SUGP1: variants seen among roughly 807,000 people sequenced by gnomAD.
SUGP1 encodes the protein SURP and G-patch domain-containing protein 1.
Under a neutral mutation model 76.5 loss-of-function variants are expected in SUGP1, and 34 were observed. That is an observed-to-expected ratio of 0.44 (90% CI 0.34 to 0.59). The LOEUF (loss-of-function observed/expected upper bound fraction) is 0.59, where lower values mean the gene tolerates loss of function less well. SUGP1 is among the 20% of genes least tolerant of loss of function. SUGP1 has a pLI of 0.01. For missense variants in SUGP1, 752 were observed against 851.7 expected (o/e 0.88, Z 1.46); for synonymous variants, 326 against 326.2 (o/e 1.00, Z 0.01).
At chr19:19,277,262 G>GGGC (rs1568615940) in intron 12 of SUGP1, among the ~76,000 whole-genome samples, 186 bp from the exon 13 acceptor site, 2 of 148,992 alleles carry the variant, frequency 1.3e-5, no homozygotes, top group Admixed American at 6.6e-5. Context: ...GGGGGGGGGG[G>GGGC]GCCTAGGCCC....
At chr19:19,308,150 C>G (rs1460588878) in intron 3 of SUGP1, among the ~76,000 whole-genome samples, 1 of 152,068 alleles carries the variant, frequency 6.6e-6, no homozygotes, top group Admixed American at 6.6e-5. Context: ...CCCATCTCAG[C>G]CCCCCCATTA....
intron 3 of SUGP1, among the ~76,000 whole-genome samples, chr19:19,309,049 T>C (rs1194433132): frequency 6.6e-6 from 1 of 152,086 alleles, no homozygotes; most frequent in Non-Finnish European, 1.5e-5. Flanking sequence ...GTATTTTTAG[T>C]AGAGACAGGG....
rs1390974975 is a variant in SUGP1 at position 19,278,816 on chromosome 19, G to C, written c.1529-20C>G. The C allele has an allele frequency of 6.2e-7, 1 of 1,605,780 alleles. No individual in the cohort carries two copies. Among genetic ancestry groups the C allele is most frequent in the Non-Finnish European group, 8.5e-7 (1 of 1,176,070 alleles). On this transcript the variant is annotated intron_variant, in intron 10 of 13. Transcript: ENST00000247001. Reference sequence around the variant, plus strand: ...CCCATTCTGCTCAGAGAAGCAGAAAGGTGAGAAGAGGGAGAAGCAGGAAGG... The same window carrying C: ...CCCATTCTGCTCAGAGAAGCAGAAACGTGAGAAGAGGGAGAAGCAGGAAGG...
rs1192905988 is a variant in SUGP1 at position 19,320,459 on chromosome 19, T to C, written c.34+4A>G. The C allele has an allele frequency of 5.6e-6, 9 of 1,609,532 alleles. No homozygotes were observed. The East Asian group carries it at 2.0e-4, about 36-fold the overall frequency. On this transcript the variant is annotated splice_donor_region_variant and intron_variant, in intron 1 of 13. Transcript: ENST00000247001. Reference sequence around the variant, plus strand: ...GCCGCCTGAGAGGAGGCGGGGGCTGTTACCTGCAACATCCCGGTTGTCCAT... The same window carrying C: ...GCCGCCTGAGAGGAGGCGGGGGCTGCTACCTGCAACATCCCGGTTGTCCAT...
At chr19:19,295,337 G>A (rs1306220080) in intron 8 of SUGP1, among the ~76,000 whole-genome samples, 1 of 152,010 alleles carries the variant, frequency 6.6e-6, no homozygotes, top group African/African-American at 2.4e-5. Flanking sequence ...GGGAGCGGTG[G>A]TTCACGCCTA....
intron 4 of SUGP1, 78 bp from the exon 5 acceptor site, chr19:19,303,925 A>G (rs1202420998): frequency 6.2e-7 from 1 of 1,602,080 alleles, no homozygotes; most frequent in Admixed American, 1.7e-5. Context: ...ATGGACCACA[A>G]CGACAGAGGG....
chr19:19,319,881 G>A (rs1488955500), intron 1 of SUGP1, among the ~76,000 whole-genome samples: 3 of 152,126 alleles, frequency 2.0e-5, no homozygotes, highest in Non-Finnish European at 4.4e-5. Flanking sequence ...CCTCCAGGAA[G>A]GCAGGGCCCT....
chr19:19,280,106 G>T, intron 9 of SUGP1, 79 bp downstream of exon 9: 2 of 1,377,924 alleles, frequency 1.5e-6, no homozygotes, highest in South Asian at 1.2e-5. Context: ...GAACCCCTGT[G>T]ACCGCTGCAC....
Position 19,303,826 on chromosome 19 carries a change from T to G in SUGP1, c.560A>C (p.Glu187Ala), listed in dbSNP as rs773103956. The G allele has an allele frequency of 6.2e-7, 1 of 1,614,056 alleles. No individual in the cohort carries two copies. The highest frequency in any genetic ancestry group is 8.5e-7 in the Non-Finnish European group (1 of 1,180,046). Residue 187 changes from glutamate to alanine, a missense_variant, in exon 5 of 14, where the codon GAG (glutamate) becomes GCG (alanine). Physicochemically the swap from Glu to Ala is moderately radical, Grantham distance 107. Transcript: ENST00000247001. Reference sequence around the variant, plus strand: ...CAATTTCTCTATCACTTTCCGAGTCTCGGCTCCCTCTGGGGGTGAAACTTT... The same window carrying G: ...CAATTTCTCTATCACTTTCCGAGTCGCGGCTCCCTCTGGGGGTGAAACTTT... ...EIKVSPPEGA[E>A]TRKVIEKLAR...
chr19:19,278,421 C>T (rs1264237180), intron 11 of SUGP1, among the ~76,000 whole-genome samples: 1 of 152,194 alleles, frequency 6.6e-6, no homozygotes, highest in East Asian at 1.9e-4. Context: ...AAACACTTTG[C>T]CTGTAAACTG....
In SUGP1 at chr19:19,278,775, T is replaced by C. The variant is rs1459695823; in HGVS notation, c.1550A>G (p.Lys517Arg). 1 of 1,613,612 alleles carries C rather than the reference T, an allele frequency of 6.2e-7. No individual in the cohort carries two copies. Among genetic ancestry groups the C allele is most frequent in the Non-Finnish European group, 8.5e-7 (1 of 1,179,910 alleles). Residue 517 changes from lysine (K) to arginine (R), a missense_variant, in exon 11 of 14, where the codon AAG becomes AGG. Physicochemically the swap from Lys to Arg is conservative, Grantham distance 26. Around this residue, in one of 2 missense-constraint regions of SUGP1, gnomAD observed 132 missense variants for 234.4 expected, o/e 0.56. Transcript: ENST00000247001. ...GATGAAGTGCTTGCCCCGGCCCATC[T>C]TTGTCAGCTGCTCGGCCCATTCTGC... ...KTREWAEQLTKMGRGKHFIGD... is the reference protein window; with the variant it reads ...KTREWAEQLTRMGRGKHFIGD...
rs2061233005 is a variant in SUGP1 at position 19,297,147 on chromosome 19, G to C, written c.1085C>G (p.Thr362Ser). The C allele has an allele frequency of 6.2e-7, 1 of 1,613,856 alleles. No homozygotes were observed. Among genetic ancestry groups the C allele is most frequent in the Admixed American group, 1.7e-5 (1 of 59,996 alleles). ...TCPASSTPAP[T>S]IIPAPAAPGK... ...GGGGGCAGCTGGAGCAGGGATGATA[G>C]TGGGCGCAGGCGTGGACGAGGCGGG... The change falls in exon 8 of 14, where the codon ACT (threonine) becomes AGT (serine). Residue 362 changes from threonine (T) to serine (S), a missense_variant. Coordinates refer to ENST00000247001, the MANE Select transcript of SUGP1 (RefSeq NM_172231.4).
At chr19:19,296,917 C>T (rs1439544077) in intron 8 of SUGP1, 72 bp downstream of exon 8, 1 of 1,278,640 alleles carries the variant, frequency 7.8e-7, no homozygotes. Flanking sequence ...TGTGGATGAA[C>T]CTTGAAGACA....
chr19:19,298,735 G>C (rs2061248239), intron 7 of SUGP1, among the ~76,000 whole-genome samples: 1 of 152,206 alleles, frequency 6.6e-6, no homozygotes, highest in African/African-American at 2.4e-5. Context: ...GGAACAGTTG[G>C]TCAGATTTGG....
At chr19:19,319,706 C>CAAAAAAAA (rs570232030) in intron 1 of SUGP1, among the ~76,000 whole-genome samples, 46 of 68,990 alleles carry the variant, frequency 6.7e-4, no homozygotes, top group Non-Finnish European at 9.6e-4. Flanking sequence ...GACCCTGTCT[C>CAAAAAAAA]AAAAAAAAAA....
chr19:19,293,527 T>G (rs1259463845), intron 8 of SUGP1, among the ~76,000 whole-genome samples: 1 of 151,476 alleles, frequency 6.6e-6, no homozygotes, highest in Non-Finnish European at 1.5e-5. Context: ...GAGGTTGCAG[T>G]GAGCTGAGAT....
In SUGP1 at chr19:19,295,605, CAAAAAAAA is replaced by C. The variant is rs55921805; in HGVS notation, c.1243+1376_1243+1383del. On this transcript the variant is annotated intron_variant, in intron 8 of 13. Transcript: ENST00000247001. ...TGGGCAACACAGTGAGACTCCTTCT[CAAAAAAAA>C]AAAAAAAAAAAAAAAAGAACCCGAC... Among the ~76,000 whole-genome samples the C allele has an allele frequency of 1.0e-4, 7 of 66,812 alleles. No individual in the cohort carries two copies. In the East Asian group the frequency reaches 4.2e-3, roughly 40 times the overall value. 43.8% of individuals were successfully genotyped at this position (66,812 alleles called of 152,430 possible). A position where few individuals can be genotyped will look rare whatever the true frequency, so the allele number is the denominator to read the frequency against.
Position 19,279,387 on chromosome 19 carries a change from G to C in SUGP1, c.1354C>G (p.Gln452Glu). Residue 452 changes from glutamine to glutamate, a missense_variant, in exon 10 of 14, where the codon CAG becomes GAG. Gln to Glu is a conservative substitution (Grantham distance 29). Transcript: ENST00000247001. ...TGCATGATCATGTCGTACATCTGCT[G>C]CATCTGCAGGGCACACTCGCCAGTG... ...KKQLKEQQEM[Q>E]QMYDMIMQHK... 1 of 1,600,506 alleles carries C rather than the reference G, an allele frequency of 6.2e-7. No homozygotes were observed. Among genetic ancestry groups the C allele is most frequent in the Non-Finnish European group, 8.5e-7 (1 of 1,176,606 alleles).
At chr19:19,303,482 A>AAAT (rs2061289024) in intron 5 of SUGP1, 34 bp from the exon 6 acceptor site, 2 of 1,578,904 alleles carry the variant, frequency 1.3e-6, no homozygotes, top group Non-Finnish European at 1.7e-6. Flanking sequence ...AGAGAGGGGA[A>AAAT]AATAAGTATC....
Sources: allele counts gnomAD v4.1 joint callset (sites outside exome capture counted in the v4.1 genomes callset), GRCh38; gene constraint gnomAD v4.1.1; regional missense constraint gnomAD v4.1.1; transcripts MANE v1.5; gene names NCBI Gene and HGNC (gene_info 2026-07-23, HGNC 2026-07-21).